Variants in DMD observed in about 807,000 individuals in gnomAD.
The protein encoded by DMD is mutant dystrophin.
DMD carries 63 observed loss-of-function variants against 330.1 expected under a neutral mutation model. That is an observed-to-expected ratio of 0.19 (90% confidence interval 0.16 to 0.24). The LOEUF (loss-of-function observed/expected upper bound fraction) is 0.24, where lower values mean the gene tolerates loss of function less well. DMD is among the 10% of genes least tolerant of loss of function. The probability of loss-of-function intolerance (pLI) is 1.00; values close to 1 mark genes in which losing one functional copy is unlikely to be tolerated. For missense variants in DMD, 3,344 were observed against 2,684.1 expected, an observed-to-expected ratio of 1.25 and a Z score of -5.43; for synonymous variants, 1,223 against 959.8, an observed-to-expected ratio of 1.27 and a Z score of -5.07.
intron 57 of DMD, 122 bp from the exon 58 acceptor site, chrX:31,479,225 C>A (rs769453195): frequency 6.4e-6 from 5 of 786,395 alleles, no homozygotes; most frequent in Non-Finnish European, 7.5e-6. Flanking sequence ...TTTATTTATA[C>A]ACTGATGGTT....
intron 12 of DMD, among the ~76,000 whole-genome samples, chrX:32,602,321 C>A (rs2056292169): frequency 9.2e-6 from 1 of 108,753 alleles, no homozygotes; most frequent in African/African-American, 3.3e-5. Flanking sequence ...ATGCACCCAC[C>A]CATACATTCT....
intron 51 of DMD, among the ~76,000 whole-genome samples, chrX:31,739,796 T>C (rs1049964146): frequency 1.7e-4 from 13 of 76,482 alleles, no homozygotes; most frequent in African/African-American, 5.8e-4. Flanking sequence ...AAAAAATAAA[T>C]AAATAAATAT....
intron 48 of DMD, among the ~76,000 whole-genome samples, chrX:31,857,399 AAAAAAAAAAAG>A (rs1171460904): frequency 8.5e-5 from 9 of 106,204 alleles, no homozygotes; most frequent in Non-Finnish European, 1.7e-4. Context: ...AAAAAAAAAA[AAAAAAAAAAAG>A]AGAATACCAA....
intron 77 of DMD, among the ~76,000 whole-genome samples, chrX:31,127,132 C>T (rs149370913): frequency 1.6e-4 from 18 of 112,333 alleles, no homozygotes; most frequent in East Asian, 5.6e-4. Flanking sequence ...AGGTAGAACC[C>T]GACATAGAGG....
At chrX:32,741,706 A>G (rs964496847) in intron 7 of DMD, among the ~76,000 whole-genome samples, 3 of 111,896 alleles carry the variant, frequency 2.7e-5, no homozygotes, top group Non-Finnish European at 3.8e-5. Context: ...AGCTTTTGTC[A>G]TATCTCTAAT....
At chrX:32,626,401 A>G (rs2146533539) in intron 11 of DMD, among the ~76,000 whole-genome samples, 1 of 98,087 alleles carries the variant, frequency 1.0e-5, no homozygotes, top group African/African-American at 5.5e-5. Context: ...CCGGGGGGAC[A>G]GAGGTTGCAG....
Position 32,098,122 on chromosome X carries a change from A to C in DMD, c.6438+118794T>G, listed in dbSNP as rs371633911. On this transcript the variant is annotated intron_variant, in intron 44 of 78. Coordinates refer to ENST00000357033, the MANE Select transcript of DMD (RefSeq NM_004006.3). ...AAATGTGCCTGTATTTGCGTGATAT[A>C]TGCATATATATGTACGTAGGTACAC... 4.5e-5 allele frequency among the ~76,000 whole-genome samples: 5 copies of C among 111,878 alleles called. No individual in the cohort carries two copies. In the East Asian group the frequency reaches 1.1e-3, roughly 25 times the overall value.
intron 1 of DMD, among the ~76,000 whole-genome samples, chrX:33,264,709 A>T: frequency 2.3e-5 from 1 of 43,489 alleles, no homozygotes; most frequent in East Asian, 3.6e-4. Flanking sequence ...AGTAAAGATA[A>T]AGGTTTTTTT....
chrX:32,288,010 G>C lies in DMD; in HGVS notation c.6118-309C>G, dbSNP rs770024191. Among the ~76,000 whole-genome samples, 63 of 110,045 alleles carry C rather than the reference G, an allele frequency of 5.7e-4. 1 individual carries two copies. Among genetic ancestry groups the C allele is most frequent in the Non-Finnish European group, 1.3e-4 (7 of 52,737 alleles). ...CCTTCTCATCCTGATCTTAATATTA[G>C]AGTGCTCTGACTCAGTATTTGCACT... On this transcript the variant is annotated intron_variant, in intron 42 of 78. Coordinates refer to ENST00000357033, the MANE Select transcript of DMD (RefSeq NM_004006.3).
intron 74 of DMD, among the ~76,000 whole-genome samples, chrX:31,168,772 G>A (rs1191169463): frequency 8.9e-6 from 1 of 112,039 alleles, no homozygotes; most frequent in Non-Finnish European, 1.9e-5. Context: ...ATGTAATACA[G>A]AACTGAAAGT....
chrX:33,162,512 A>T (rs1332937806), intron 1 of DMD, among the ~76,000 whole-genome samples: 1 of 111,793 alleles, frequency 8.9e-6, no homozygotes, highest in Admixed American at 9.5e-5. Flanking sequence ...AGATGTGTCA[A>T]AAGCAGATTT....
intron 4 of DMD, among the ~76,000 whole-genome samples, chrX:32,835,942 G>C (rs1420477091): frequency 9.0e-6 from 1 of 110,657 alleles, no homozygotes; most frequent in Admixed American, 9.7e-5. Context: ...TCTTTTCATA[G>C]GTTTATAGAA....
intron 7 of DMD, among the ~76,000 whole-genome samples, chrX:32,722,732 T>G (rs916309396): frequency 9.0e-6 from 1 of 111,302 alleles, no homozygotes; most frequent in East Asian, 2.8e-4. Flanking sequence ...TTTTTAAAAT[T>G]TTTTGGATAT....
chrX:31,894,966 A>G (rs2094311064), intron 47 of DMD, among the ~76,000 whole-genome samples: 1 of 112,170 alleles, frequency 8.9e-6, no homozygotes, highest in East Asian at 2.8e-4. Context: ...TGAATTGGTT[A>G]GTTGGTTACT....
intron 33 of DMD, among the ~76,000 whole-genome samples, chrX:32,383,414 T>C (rs1474555356): frequency 9.0e-6 from 1 of 111,632 alleles, no homozygotes; most frequent in Non-Finnish European, 1.9e-5. Context: ...AATAATGTAA[T>C]AACATTTCCT....
chrX:31,642,645 AT>A (rs773623848), intron 54 of DMD, among the ~76,000 whole-genome samples: 4,248 of 106,672 alleles, frequency 0.04, 63 homozygotes, highest in Middle Eastern at 0.053. Context: ...CATAGTTATC[AT>A]TTTTTTTTTA....
intron 49 of DMD, among the ~76,000 whole-genome samples, chrX:31,828,533 G>A (rs999120512): frequency 6.4e-5 from 7 of 108,627 alleles, no homozygotes; most frequent in African/African-American, 2.3e-4. Flanking sequence ...GCGTGGTGGT[G>A]GGCACCTGTA....
At chrX:31,951,139 A>ATATATATATG (rs1557025403) in intron 45 of DMD, among the ~76,000 whole-genome samples, 4 of 72,233 alleles carry the variant, frequency 5.5e-5, no homozygotes, top group African/African-American at 2.5e-4. Flanking sequence ...ATATATATAT[A>ATATATATATG]TGTGTATATA....
chrX:33,061,906 C>G (rs775676144), intron 1 of DMD, among the ~76,000 whole-genome samples: 1 of 111,018 alleles, frequency 9.0e-6, no homozygotes, highest in East Asian at 2.8e-4. Flanking sequence ...CTCTTTTTTT[C>G]CCTGACATTT....
Sources: gnomAD v4.1 joint callset for allele counts (sites outside exome capture counted in the v4.1 genomes callset) on GRCh38, gnomAD v4.1.1 for gene constraint, MANE v1.5 for transcripts, NCBI Gene and HGNC (gene_info 2026-07-23, HGNC 2026-07-21) for gene names.